DKK4: variants seen among roughly 807,000 people sequenced by gnomAD.
DKK4 encodes the protein dickkopf-related protein 4.
Under a neutral mutation model 14.5 loss-of-function variants are expected in DKK4, and 15 were observed. That is an observed-to-expected ratio of 1.03 (90% CI 0.69 to 1.59). DKK4 has a LOEUF of 1.59. Among genes scored for constraint, DKK4 ranks in the 40% most tolerant of loss-of-function variants. The probability of loss-of-function intolerance (pLI) is 0.00; values close to 1 mark genes in which losing one functional copy is unlikely to be tolerated. For missense variants in DKK4, 272 were observed against 280.3 expected, an observed-to-expected ratio of 0.97 and a Z score of 0.21; for synonymous variants, 89 against 105.2, an observed-to-expected ratio of 0.85 and a Z score of 0.94.
intron 3 of DKK4, 53 bp from the exon 4 acceptor site, chr8:42,374,412 G>T: frequency 6.2e-7 from 1 of 1,605,410 alleles, no homozygotes; most frequent in Non-Finnish European, 8.5e-7. Context: ...GTGGCCTGCT[G>T]GGGGTTTGCT....
the DKK4 span, among the ~76,000 whole-genome samples, chr8:42,382,391 C>G: frequency 6.6e-6 from 1 of 152,142 alleles, no homozygotes; most frequent in Non-Finnish European, 1.5e-5. Context: ...GATTTGGGGA[C>G]TAGAGATGAT....
chr8:42,375,531 AAAGG>A (rs2130872735), intron 2 of DKK4, 145 bp downstream of exon 2: 7 of 1,073,014 alleles, frequency 6.5e-6, no homozygotes, highest in Non-Finnish European at 9.0e-6. Context: ...AAAAAAAAAA[AAAGG>A]AAAAGAAAAG....
chr8:42,386,961 G>A, the DKK4 span, among the ~76,000 whole-genome samples: 4 of 152,112 alleles, frequency 2.6e-5, no homozygotes, highest in South Asian at 2.1e-4. Flanking sequence ...TTCTCTGAAC[G>A]AGGCCACAGG....
the DKK4 span, among the ~76,000 whole-genome samples, chr8:42,385,904 A>AT: frequency 6.6e-6 from 1 of 152,094 alleles, no homozygotes; most frequent in Non-Finnish European, 1.5e-5. Flanking sequence ...AATTTTCCCA[A>AT]TTTTTTTCTA....
upstream of DKK4, among the ~76,000 whole-genome samples, chr8:42,382,080 A>G (rs1824688615): frequency 6.6e-6 from 1 of 152,204 alleles, no homozygotes; most frequent in South Asian, 2.1e-4. Flanking sequence ...TCCATCTTCC[A>G]TAGACTTTAG....
Position 42,374,753 on chromosome 8 carries a change from G to A in DKK4, c.415+8C>T, listed in dbSNP as rs202042799. ...TGAAATAAAATATGCTGCGAATGCT[G>A]TTCTTACCCTTCCTGCCTTGTGATT... On this transcript the variant is annotated splice_region_variant and intron_variant, in intron 3 of 3. Transcript: ENST00000220812. The A allele has an allele frequency of 4.8e-5, 77 of 1,614,198 alleles. No homozygotes were observed. Among genetic ancestry groups the A allele is most frequent in the Non-Finnish European group, 6.2e-5 (73 of 1,180,038 alleles).
chr8:42,382,857 C>G, the DKK4 span, among the ~76,000 whole-genome samples: 2 of 152,200 alleles, frequency 1.3e-5, no homozygotes, highest in African/African-American at 4.8e-5. Context: ...ACTGATTCCA[C>G]TCTTTGGGTA....
chr8:42,389,228 C>T, the DKK4 span, among the ~76,000 whole-genome samples: 1 of 152,222 alleles, frequency 6.6e-6, no homozygotes, highest in African/African-American at 2.4e-5. Context: ...CAGGAGTGAG[C>T]CATGGCACCC....
chr8:42,389,321 T>A, the DKK4 span, among the ~76,000 whole-genome samples: 1 of 152,234 alleles, frequency 6.6e-6, no homozygotes, highest in Non-Finnish European at 1.5e-5. Flanking sequence ...ATGTGGAAAC[T>A]GAGGCAGAGA....
upstream of DKK4, among the ~76,000 whole-genome samples, chr8:42,377,501 C>T (rs756553360): frequency 6.6e-6 from 1 of 152,190 alleles, no homozygotes; most frequent in Non-Finnish European, 1.5e-5. Flanking sequence ...CTGATAATCA[C>T]CTGCATTTCC....
upstream of DKK4, among the ~76,000 whole-genome samples, chr8:42,377,703 G>T (rs573901827): frequency 6.6e-6 from 1 of 152,286 alleles, no homozygotes; most frequent in East Asian, 1.9e-4. Flanking sequence ...TAGAAAAAGA[G>T]AAAACGCCCC....
Position 42,374,184 on chromosome 8 carries a change from G to A in DKK4, c.591C>T (p.Gly197=). The part of the protein sequence containing the change: ...APEIFQRCDC[G]PGLLCRSQLT... ...ATTGGCTTCGACACAGTAGTCCAGG[G>A]CCACAGTCGCAACGCTGGAAGATTT... Residue 197 remains glycine (G), a synonymous_variant, in exon 4 of 4, where the codon GGC becomes GGT. Transcript: ENST00000220812. The A allele has an allele frequency of 6.2e-7, 1 of 1,613,696 alleles. No individual in the cohort carries two copies. The highest frequency in any genetic ancestry group is 1.7e-5 in the Admixed American group (1 of 59,982).
chr8:42,380,690 GA>G (rs1563416208), upstream of DKK4, among the ~76,000 whole-genome samples: 55 of 135,492 alleles, frequency 4.1e-4, no homozygotes, highest in African/African-American at 1.3e-3. Flanking sequence ...GAAAAGAAAA[GA>G]AAAGAAAAAA....
intron 1 of DKK4, among the ~76,000 whole-genome samples, chr8:42,376,562 T>C (rs919840277): frequency 6.6e-6 from 1 of 152,198 alleles, no homozygotes; most frequent in Non-Finnish European, 1.5e-5. Context: ...GGGTAAGCTC[T>C]TCAACATCTC....
the DKK4 span, among the ~76,000 whole-genome samples, chr8:42,383,496 T>C: frequency 3.9e-5 from 6 of 152,270 alleles, no homozygotes; most frequent in Non-Finnish European, 8.8e-5. Flanking sequence ...CCTTTGGAGC[T>C]GTGCAATGTG....
chr8:42,380,748 G>GAGAA (rs796291576), upstream of DKK4, among the ~76,000 whole-genome samples: 14 of 135,840 alleles, frequency 1.0e-4, no homozygotes, highest in African/African-American at 3.9e-4. Flanking sequence ...AGAGTGGAAA[G>GAGAA]AGAGAGAGAG....
In DKK4 at chr8:42,374,085, T is replaced by C; in HGVS notation, c.*15A>G. ...AGCTCAAATGCAATGTGGATTCTTC[T>C]TTATTTTGAAATATTTATAGCTTTT... On this transcript the variant is annotated 3_prime_UTR_variant, in exon 4 of 4. Transcript: ENST00000220812. 1 of 1,610,184 alleles carries C rather than the reference T, an allele frequency of 6.2e-7. No homozygotes were observed. Among genetic ancestry groups the C allele is most frequent in the Non-Finnish European group, 8.5e-7 (1 of 1,179,448 alleles).
chr8:42,382,618 TCCTTTAG>T, the DKK4 span, among the ~76,000 whole-genome samples: 1 of 152,194 alleles, frequency 6.6e-6, no homozygotes, highest in African/African-American at 2.4e-5. Flanking sequence ...CACAAGACAC[TCCTTTAG>T]CCACAGAACA....
chr8:42,384,341 CT>C, the DKK4 span, among the ~76,000 whole-genome samples: 2 of 152,152 alleles, frequency 1.3e-5, no homozygotes. Context: ...TGGGGTCTTG[CT>C]ATGTTGCCCA....
Sources: gnomAD v4.1 joint callset for allele counts (sites outside exome capture counted in the v4.1 genomes callset) on GRCh38, gnomAD v4.1.1 for gene constraint, MANE v1.5 for transcripts, NCBI Gene and HGNC (gene_info 2026-07-23, HGNC 2026-07-21) for gene names.